Variants in FLNC observed in about 807,000 individuals in gnomAD.
FLNC encodes filamin C.
A neutral mutation model predicts 254.3 loss-of-function variants in FLNC; 91 were observed. The ratio of observed to expected loss-of-function variants is 0.36; its 90% CI spans 0.30 to 0.43. FLNC has a LOEUF of 0.43. FLNC is among the 20% of genes least tolerant of loss of function. The pLI is 1.00. For synonymous variants in FLNC, 1,430 were observed against 1,577.2 expected (o/e 0.91, Z 2.21); for missense variants, 2,853 against 3,802.6 (o/e 0.75, Z 6.57).
In FLNC at chr7:128,841,291, C is replaced by A; in HGVS notation, c.1935C>A (p.Asp645Glu). Residue 645 changes from aspartate (D) to glutamate (E), a missense_variant, in exon 12 of 48, where the codon GAC becomes GAA. This residue lies in a region of FLNC where 1,573 missense variants were observed against 1,883.5 expected (regional missense o/e 0.84). Transcript: ENST00000325888. The surrounding 1 kb of genome is among the most constrained non-coding windows in gnomAD (Gnocchi z 4.3). ...PGEYAVHVIC[D>E]DEDIRDSPFI... ...AGTACGCTGTGCACGTCATCTGTGACGATGAGGACATCCGAGACTCACCCT... is the reference window on the plus strand; with the variant it reads ...AGTACGCTGTGCACGTCATCTGTGAAGATGAGGACATCCGAGACTCACCCT... The A allele has an allele frequency of 6.2e-7, 1 of 1,613,814 alleles. No individual in the cohort carries two copies. Among genetic ancestry groups the A allele is most frequent in the Non-Finnish European group, 8.5e-7 (1 of 1,179,710 alleles).
Position 128,830,813 on chromosome 7 carries a change from A to G in FLNC, c.176A>G (p.Asp59Gly), listed in dbSNP as rs1164296903. Residue 59 changes from aspartate (D) to glycine (G), a missense_variant, in exon 1 of 48, where the codon GAC becomes GGC. Physicochemically the swap from Asp to Gly is moderately conservative, Grantham distance 94. Around this residue, in one of 10 missense-constraint regions of FLNC, gnomAD observed 59 missense variants for 59.8 expected, o/e 0.99. Transcript: ENST00000325888. Reference sequence around the variant, plus strand: ...AAGTGCGTGGGCAAGCGCCTGACCGACCTGCAGCGCGACCTCAGCGACGGG... The same window carrying G: ...AAGTGCGTGGGCAAGCGCCTGACCGGCCTGCAGCGCGACCTCAGCGACGGG... ...HLKCVGKRLTDLQRDLSDGLR... is the reference protein window; with the variant it reads ...HLKCVGKRLTGLQRDLSDGLR... 5.6e-6 allele frequency: 9 copies of G among 1,612,922 alleles called. No individual in the cohort carries two copies. The highest frequency in any genetic ancestry group is 7.6e-6 in the Non-Finnish European group (9 of 1,179,922).
intron 1 of FLNC, among the ~76,000 whole-genome samples, chr7:128,834,811 G>A (rs866355766): frequency 3.3e-5 from 5 of 152,120 alleles, no homozygotes; most frequent in Admixed American, 6.5e-5. Context: ...GCAGGAGGGA[G>A]GGCTCACAAA....
rs775042682 is a variant in FLNC at position 128,842,550 on chromosome 7, C to G, written c.2266-25C>G. 3 of 1,548,134 alleles carry G rather than the reference C, an allele frequency of 1.9e-6. No homozygotes were observed. The highest frequency in any genetic ancestry group is 2.6e-6 in the Non-Finnish European group (3 of 1,146,384). ...GGATGAGCCTTGAGGGAGGGCACCA[C>G]GCTGAGCTGCGACCCCTCCCGCAGG... On this transcript the variant is annotated intron_variant, in intron 14 of 47. Coordinates refer to ENST00000325888, the MANE Select transcript of FLNC (RefSeq NM_001458.5). The surrounding 1 kb of genome is among the most constrained non-coding windows in gnomAD (Gnocchi z 5.4).
intron 9 of FLNC, 113 bp downstream of exon 9, chr7:128,840,273 T>G (rs1808275363): frequency 7.6e-7 from 1 of 1,310,076 alleles, no homozygotes; most frequent in Non-Finnish European, 1.1e-6. Context: ...AGCTCCACAG[T>G]GACCAGAGGC....
In FLNC at chr7:128,844,100, G is replaced by C; in HGVS notation, c.3026G>C (p.Arg1009Pro). ...LDVRMTSPSR[R>P]PIPCKLEPGG... The stretch of plus-strand genomic sequence containing the variant: ...GTGCGGATGACTTCGCCCTCTCGCC[G>C]GCCCATCCCCTGCAAGCTGGAGCCA... Residue 1009 changes from arginine (R) to proline (P), a missense_variant, in exon 20 of 48, where the codon CGG (arginine) becomes CCG (proline). Coordinates refer to ENST00000325888, the MANE Select transcript of FLNC (RefSeq NM_001458.5). The C allele has an allele frequency of 1.2e-6, 2 of 1,613,938 alleles. No individual in the cohort carries two copies. Among genetic ancestry groups the C allele is most frequent in the Non-Finnish European group, 8.5e-7 (1 of 1,180,038 alleles).
rs1387448837 is a variant in FLNC, at chr7:128,856,537, A to T, written c.7271A>T (p.Asn2424Ile). 6.2e-7 allele frequency: 1 copy of T among 1,612,746 alleles called. No homozygotes were observed. The highest frequency in any genetic ancestry group is 1.7e-5 in the Admixed American group (1 of 60,032). ...TSLQETGLKV[N>I]QPASFAVQLN... ...TTGCAGGAGACGGGGCTCAAGGTGA[A>T]CCAGCCAGCGTCCTTTGCCGTGCAG... Residue 2424 changes from asparagine (N) to isoleucine (I), a missense_variant, in exon 44 of 48, where the codon AAC (asparagine) becomes ATC (isoleucine). This residue lies in a region of FLNC where 551 missense variants were observed against 835.0 expected (regional missense o/e 0.66). Coordinates refer to ENST00000325888, the MANE Select transcript of FLNC (RefSeq NM_001458.5). The surrounding 1 kb of genome is among the most constrained non-coding windows in gnomAD (Gnocchi z 5.9).
chr7:128,855,074 C>T, intron 42 of FLNC, 125 bp from the exon 43 acceptor site: 4 of 1,049,744 alleles, frequency 3.8e-6, no homozygotes, highest in South Asian at 3.8e-5. Context: ...CCCTCAGAAA[C>T]ATGTGTCTGC....
chr7:128,846,410 A>G lies in FLNC; in HGVS notation c.4074A>G (p.Pro1358=). 6.2e-7 allele frequency: 1 copy of G among 1,608,224 alleles called. No homozygotes were observed. Among genetic ancestry groups the G allele is most frequent in the East Asian group, 2.2e-5 (1 of 44,886 alleles). The change falls in exon 23 of 48, where the codon CCA becomes CCG. Residue 1358 remains proline (P), a synonymous_variant. Transcript: ENST00000325888. ...CCACCCGCGTCCGAGCCTTCGGGCC[A>G]GGCCTGGAGGGTGGCTTGGTCAACA... ...CDPTRVRAFG[P]GLEGGLVNKA...
chr7:128,838,898 C>T (rs904333271), intron 8 of FLNC, 95 bp downstream of exon 8: 11 of 1,172,702 alleles, frequency 9.4e-6, no homozygotes, highest in Admixed American at 7.5e-5. Context: ...TCTGCAGAGA[C>T]CCCCTCCCTG....
At chr7:128,844,382 G>T in intron 20 of FLNC, 116 bp downstream of exon 20, 1 of 1,320,428 alleles carries the variant, frequency 7.6e-7, no homozygotes, top group Non-Finnish European at 1.0e-6. Flanking sequence ...ACAGCCAAGG[G>T]TGTGGGGCTG....
At chr7:128,831,678 C>T (rs3807308) in intron 1 of FLNC, among the ~76,000 whole-genome samples, 21,988 of 152,268 alleles carry the variant, frequency 0.14, 1,720 homozygotes, top group East Asian at 0.26. Context: ...AGTCCAGGCC[C>T]TGCCCCAGCC....
chr7:128,846,971 AG>A lies in FLNC; in HGVS notation c.4288+71del, dbSNP rs1256063762. ...GAGGGTGCAGGATGCTCGCCCCACA[AG>A]GGGGAAACTGGAAGGAAGTTGGGTA... On this transcript the variant is annotated intron_variant, in intron 24 of 47. Coordinates refer to ENST00000325888, the MANE Select transcript of FLNC (RefSeq NM_001458.5). The A allele has an allele frequency of 3.2e-6, 5 of 1,583,064 alleles. No individual in the cohort carries two copies. The Middle Eastern group carries it at 5.0e-4, about 158-fold the overall frequency.
At position 128,846,089 on chromosome 7, in the gene FLNC, G is replaced by A. The variant is rs771575526; in HGVS notation, c.3890G>A (p.Gly1297Glu). ...ACGGCTCGTGTGCTCAACCCCTCGG[G>A]GGCCAAGACAGACACCTATGTGACA... ...HVTARVLNPS[G>E]AKTDTYVTDN... Residue 1297 changes from glycine (G) to glutamate (E), a missense_variant, in exon 22 of 48, where the codon GGG becomes GAG. By Grantham distance (98) the Gly-to-Glu change is moderately conservative. Around this residue, in one of 10 missense-constraint regions of FLNC, gnomAD observed 1,573 missense variants for 1,883.5 expected, o/e 0.84. Coordinates refer to ENST00000325888, the MANE Select transcript of FLNC (RefSeq NM_001458.5). 1.9e-6 allele frequency: 3 copies of A among 1,613,902 alleles called. No homozygotes were observed. Among genetic ancestry groups the A allele is most frequent in the Admixed American group, 3.3e-5 (2 of 59,998 alleles).
chr7:128,852,483 C>T, intron 35 of FLNC, 108 bp from the exon 36 acceptor site: 2 of 1,309,036 alleles, frequency 1.5e-6, no homozygotes, highest in Non-Finnish European at 2.2e-6. Context: ...GGAGTGGCCC[C>T]CCGTGTCTGT....
Position 128,856,400 on chromosome 7 carries a change from G to T in FLNC, c.7252-118G>T. 7.3e-7 allele frequency: 1 copy of T among 1,365,056 alleles called. No individual in the cohort carries two copies. Among genetic ancestry groups the T allele is most frequent in the East Asian group, 2.3e-5 (1 of 43,528 alleles). 84.6% of individuals were successfully genotyped at this position (1,365,056 alleles called of 1,614,324 possible). On this transcript the variant is annotated intron_variant, in intron 43 of 47. Transcript: ENST00000325888. The surrounding 1 kb of genome is among the most constrained non-coding windows in gnomAD (Gnocchi z 5.9). ...GGCTGGCAGGCAGGGGCCAGGCTGG[G>T]CATGGGGTGGCAGCAGCCTTTGGGC...
rs1236847825 is a variant in FLNC at position 128,857,386 on chromosome 7, C to A, written c.7780+50C>A. 2 of 1,369,326 alleles carry A rather than the reference C, an allele frequency of 1.5e-6. No individual in the cohort carries two copies. The highest frequency in any genetic ancestry group is 1.8e-5 in the Admixed American group (1 of 56,380). 84.8% of individuals were successfully genotyped at this position (1,369,326 alleles called of 1,614,324 possible). A position where few individuals can be genotyped will look rare whatever the true frequency, so the allele number is the denominator to read the frequency against. ...CACCCAGCCTGCAGCCCAGCCCAGC[C>A]TGGAGGGCTCCGGTGGCCACGCACA... On this transcript the variant is annotated intron_variant, in intron 46 of 47. Coordinates refer to ENST00000325888, the MANE Select transcript of FLNC (RefSeq NM_001458.5). The surrounding 1 kb of genome is among the most constrained non-coding windows in gnomAD (Gnocchi z 4.5).
chr7:128,857,167 C>A lies in FLNC; in HGVS notation c.7611C>A (p.Ala2537=), dbSNP rs1217693154. The A allele has an allele frequency of 6.2e-7, 1 of 1,614,020 alleles. No homozygotes were observed. Among genetic ancestry groups the A allele is most frequent in the African/African-American group, 1.3e-5 (1 of 74,940 alleles). The change falls in exon 46 of 48, where the codon GCC becomes GCA. Residue 2537 remains alanine, a synonymous_variant. Transcript: ENST00000325888. The surrounding 1 kb of genome is among the most constrained non-coding windows in gnomAD (Gnocchi z 4.5). ...ACACCCTGAATGCCGGCTCGGGGGC[C>A]TTGTCTGTCACCATTGATGGCCCCT... ...IVNTLNAGSG[A]LSVTIDGPSK...
chr7:128,855,273 C>T lies in FLNC; in HGVS notation c.7210C>T (p.Leu2404Phe), dbSNP rs764034824. The T allele has an allele frequency of 6.2e-7, 1 of 1,613,866 alleles. No individual in the cohort carries two copies. ...CCCCTTTGTGGTGCCTGTGGCCTCC[C>T]TCTCGGATGACGCTCGCCGTCTCAC... is the stretch of plus-strand genomic sequence containing the variant. ...DSPFVVPVAS[L>F]SDDARRLTVT... Residue 2404 changes from leucine (L) to phenylalanine (F), a missense_variant, in exon 43 of 48, where the codon CTC becomes TTC. By Grantham distance (22) the Leu-to-Phe change is conservative. Transcript: ENST00000325888.
At chr7:128,834,901 T>C (rs1487901497) in intron 1 of FLNC, among the ~76,000 whole-genome samples, 1 of 152,156 alleles carries the variant, frequency 6.6e-6, no homozygotes, top group Non-Finnish European at 1.5e-5. Context: ...CTTCGTGATA[T>C]ATCCATAGTG....
Sources: allele counts gnomAD v4.1 joint callset (sites outside exome capture counted in the v4.1 genomes callset), GRCh38; gene constraint gnomAD v4.1.1; regional missense constraint gnomAD v4.1.1; non-coding constraint Gnocchi (gnomAD v3.1); transcripts MANE v1.5; gene names NCBI Gene and HGNC (gene_info 2026-07-23, HGNC 2026-07-21).